The following ATG9A variants were observed in gnomAD, a reference collection of about 807,000 sequenced individuals.
ATG9A encodes autophagy-related protein 9A.
Under a neutral mutation model 87.1 loss-of-function variants are expected in ATG9A, and 21 were observed. The observed-to-expected ratio is 0.24, with a 90% CI of 0.17 to 0.35. The LOEUF (loss-of-function observed/expected upper bound fraction) is 0.35. Ranked by LOEUF, ATG9A falls within the 10% of genes least tolerant of loss-of-function variation. ATG9A has a pLI of 1.00. For synonymous variants in ATG9A, 422 were observed against 441.3 expected, an observed-to-expected ratio of 0.96 and a Z score of 0.55; for missense variants, 836 against 1,107.3, an observed-to-expected ratio of 0.76 and a Z score of 3.48.
intron 13 of ATG9A, among the ~76,000 whole-genome samples, chr2:219,221,711 A>C (rs1199575435): frequency 6.6e-6 from 1 of 152,136 alleles, no homozygotes; most frequent in Non-Finnish European, 1.5e-5. Flanking sequence ...CATGGTGCTA[A>C]ATGCTATGGA....
Position 219,224,662 on chromosome 2 carries a change from G to A in ATG9A, c.709C>T (p.Leu237Phe). The A allele has an allele frequency of 6.2e-7, 1 of 1,614,234 alleles. No homozygotes were observed. The highest frequency in any genetic ancestry group is 2.2e-5 in the East Asian group (1 of 44,882). ...LLPLRFRLPG[L>F]GEAVFFTRGL... The stretch of plus-strand genomic sequence containing the variant: ...CGGGTGAAGAAGACAGCTTCCCCGA[G>A]GCCAGGCAGGCGGAAGCGCAGAGGC... The change falls in exon 8 of 16, where the codon CTC (leucine) becomes TTC (phenylalanine). Residue 237 changes from leucine to phenylalanine, a missense_variant. This residue lies in a region of ATG9A where 512 missense variants were observed against 759.6 expected (regional missense o/e 0.67). Transcript: ENST00000361242. The surrounding 1 kb of genome is among the most constrained non-coding windows in gnomAD (Gnocchi z 7.7).
rs990039505 is a variant in ATG9A at position 219,223,212 on chromosome 2, C to T, written c.1600-319G>A. Among the ~76,000 whole-genome samples the T allele has an allele frequency of 6.6e-6, 1 of 152,008 alleles. No homozygotes were observed. The highest frequency in any genetic ancestry group is 2.4e-5 in the African/African-American group (1 of 41,380). On this transcript the variant is annotated intron_variant, in intron 10 of 15. Transcript: ENST00000361242. The surrounding 1 kb of genome is among the most constrained non-coding windows in gnomAD (Gnocchi z 4.7). ...ACGCCATTCTCCTGCCTCAGCCTCC[C>T]GAGTAGCTGGGACTACAGGCGCCCG...
rs200858282 is a variant in ATG9A, at chr2:219,221,200, C to T, written c.2248G>A (p.Ala750Thr). The change falls in exon 14 of 16, where the codon GCC (alanine) becomes ACC (threonine). Residue 750 changes from alanine (A) to threonine (T), a missense_variant. Physicochemically the swap from Ala to Thr is moderately conservative, Grantham distance 58. Around this residue, in one of 2 missense-constraint regions of ATG9A, gnomAD observed 324 missense variants for 347.6 expected, o/e 0.93. Transcript: ENST00000361242. ...ESAPDEGGEG[A>T]RAPQSIPRSA... is the part of the protein sequence containing the mutation. ...CGAGGGATAGACTGGGGGGCCCGGG[C>T]GCCCTCTCCCCCTTCATCAGGGGCG... 6.9e-6 allele frequency: 11 copies of T among 1,591,798 alleles called. No individual in the cohort carries two copies. The highest frequency in any genetic ancestry group is 3.5e-5 in the Admixed American group (2 of 56,476).
At chr2:219,220,973 T>G in intron 14 of ATG9A, 81 bp from the exon 15 acceptor site, 1 of 1,518,702 alleles carries the variant, frequency 6.6e-7, no homozygotes, top group Non-Finnish European at 9.1e-7. Context: ...GCTTGGGGGG[T>G]GAGTCTTTGG....
intron 4 of ATG9A, 77 bp downstream of exon 4, chr2:219,227,693 C>G: frequency 6.5e-7 from 1 of 1,542,176 alleles, no homozygotes; most frequent in Non-Finnish European, 8.9e-7. Context: ...TCAAACCTAC[C>G]CCCACCTCCC....
chr2:219,227,050 C>A, intron 4 of ATG9A, 117 bp from the exon 5 acceptor site: 1 of 827,246 alleles, frequency 1.2e-6, no homozygotes, highest in South Asian at 1.4e-5. Flanking sequence ...GTGACTTTAC[C>A]AAGTTACTTA....
chr2:219,223,696 T>A lies in ATG9A; in HGVS notation c.1488A>T (p.Pro496=). 2 of 1,613,436 alleles carry A rather than the reference T, an allele frequency of 1.2e-6. No individual in the cohort carries two copies. The highest frequency in any genetic ancestry group is 1.7e-6 in the Non-Finnish European group (2 of 1,179,864). Residue 496 remains proline (P), a synonymous_variant, in exon 10 of 16, where the codon CCA becomes CCT. Transcript: ENST00000361242. This position sits in a 1 kb window ranked among gnomAD's most constrained non-coding sequence, Gnocchi z 4.7. ...AGAAGTCTATAATCTCCAGGGCCCG[T>A]GGGCGCAGGCAGAAGATGAGGATGA... ...TPLILIFCLR[P]RALEIIDFFR... is the part of the protein sequence containing the mutation.
intron 4 of ATG9A, among the ~76,000 whole-genome samples, chr2:219,227,220 A>T (rs1315164979): frequency 6.6e-6 from 1 of 152,262 alleles, no homozygotes; most frequent in Non-Finnish European, 1.5e-5. Flanking sequence ...TTTACATCCC[A>T]TCAAAAAGGA....
chr2:219,220,261 C>A lies in ATG9A; in HGVS notation c.*186G>T. 1 of 717,820 alleles carries A rather than the reference C, an allele frequency of 1.4e-6. No individual in the cohort carries two copies. Among genetic ancestry groups the A allele is most frequent in the Non-Finnish European group, 2.3e-6 (1 of 443,902 alleles). 44.5% of individuals were successfully genotyped at this position (717,820 alleles called of 1,614,324 possible). ...CCCGTGTGCCCTCGGTTCCTAGGCC[C>A]CAAATTCCTCTCCTGGGGCTGTGGC... On this transcript the variant is annotated 3_prime_UTR_variant, in exon 16 of 16. Coordinates refer to ENST00000361242, the MANE Select transcript of ATG9A (RefSeq NM_001077198.3).
rs577157094 is a variant in ATG9A, at chr2:219,226,992, T to C, written c.148-59A>G. On this transcript the variant is annotated intron_variant, in intron 4 of 15. Transcript: ENST00000361242. ...AAGCAGGTAAGAGCACAGACTTTGG[T>C]GTCAACACACTCAAGCTTAAGTCCT... 1.1e-5 allele frequency: 15 copies of C among 1,402,992 alleles called. No individual in the cohort carries two copies. The Admixed American group carries it at 1.7e-4, about 16-fold the overall frequency. 86.9% of individuals were successfully genotyped at this position (1,402,992 alleles called of 1,614,324 possible).
chr2:219,227,744 C>T, intron 4 of ATG9A, 26 bp downstream of exon 4: 1 of 1,612,832 alleles, frequency 6.2e-7, no homozygotes, highest in Non-Finnish European at 8.5e-7. Context: ...GGTCCCAGAG[C>T]TCCAACTCAG....
At chr2:219,225,734 T>A (rs1487758162) in intron 5 of ATG9A, among the ~76,000 whole-genome samples, 162 bp from the exon 6 acceptor site, 3 of 152,174 alleles carry the variant, frequency 2.0e-5, no homozygotes, top group African/African-American at 7.2e-5. Flanking sequence ...CACAGGACTG[T>A]CTCAGGCCCA....
chr2:219,227,722 A>G, intron 4 of ATG9A, 48 bp downstream of exon 4: 5 of 1,600,198 alleles, frequency 3.1e-6, no homozygotes, highest in Non-Finnish European at 4.3e-6. Context: ...CCCGGCTTAG[A>G]GAGACATTAA....
rs1950834958 is a variant in ATG9A, at chr2:219,225,088, C to T, written c.499G>A (p.Ala167Thr). The T allele has an allele frequency of 6.2e-6, 10 of 1,614,024 alleles. No individual in the cohort carries two copies. Among genetic ancestry groups the T allele is most frequent in the East Asian group, 2.2e-5 (1 of 44,896 alleles). Reference protein sequence around the residue: ...YWEIHSFYLHALRIPMSALPY... With the variant: ...YWEIHSFYLHTLRIPMSALPY... ...AGTCTTACCATAGGGATGCGCAGAG[C>T]GTGCAGGTAGAAGGAGTGGATCTCC... The change falls in exon 7 of 16, where the codon GCT becomes ACT. Residue 167 changes from alanine (A) to threonine (T), a missense_variant. By Grantham distance (58) the Ala-to-Thr change is moderately conservative (BLOSUM62 0). Transcript: ENST00000361242.
chr2:219,225,397 C>A lies in ATG9A; in HGVS notation c.374+14G>T. 1 of 1,613,208 alleles carries A rather than the reference C, an allele frequency of 6.2e-7. No homozygotes were observed. The highest frequency in any genetic ancestry group is 1.1e-5 in the South Asian group (1 of 91,006). On this transcript the variant is annotated intron_variant, in intron 6 of 15. Transcript: ENST00000361242. ...ACTCAAGGCTATGGTGTCCTCTTGACTTGCAGCCCTTACCTGGCACTACAG... is the reference window on the plus strand; with the variant it reads ...ACTCAAGGCTATGGTGTCCTCTTGAATTGCAGCCCTTACCTGGCACTACAG...
chr2:219,225,703 G>T, intron 5 of ATG9A, 131 bp from the exon 6 acceptor site: 2 of 962,890 alleles, frequency 2.1e-6, no homozygotes, highest in Non-Finnish European at 3.0e-6. Context: ...CTCCCAGTGG[G>T]CCCTCTCTGC....
Position 219,219,396 on chromosome 2 carries a change from T to C in ATG9A, c.*1051A>G, listed in dbSNP as rs1574821454. ...AACAAGAAGTCTGGTCAAACTCCCTTTTTATTAAGGGTTATCAAGCTGTAC... is the reference window on the plus strand; with the variant it reads ...AACAAGAAGTCTGGTCAAACTCCCTCTTTATTAAGGGTTATCAAGCTGTAC... On this transcript the variant is annotated 3_prime_UTR_variant, in exon 16 of 16. Coordinates refer to ENST00000361242, the MANE Select transcript of ATG9A (RefSeq NM_001077198.3). The C allele has an allele frequency of 6.6e-6, 1 of 152,670 alleles. No homozygotes were observed. The allele number at this position is 152,670 out of a possible 1,614,324, so 9.5% of individuals were successfully genotyped here. A position where few individuals can be genotyped will look rare whatever the true frequency, so the allele number is the denominator to read the frequency against.
chr2:219,224,980 G>T lies in ATG9A; in HGVS notation c.516+91C>A. ...AAGAGACAGTTCCTGATTTGTCAAT[G>T]ACAGATAAGGATAACTGATGCCCAG... On this transcript the variant is annotated intron_variant, in intron 7 of 15. Transcript: ENST00000361242. The surrounding 1 kb of genome is among the most constrained non-coding windows in gnomAD (Gnocchi z 7.7). 6.3e-7 allele frequency: 1 copy of T among 1,581,956 alleles called. No individual in the cohort carries two copies. Among genetic ancestry groups the T allele is most frequent in the South Asian group, 1.1e-5 (1 of 89,180 alleles).
chr2:219,227,515 C>CA (rs34195462), intron 4 of ATG9A, among the ~76,000 whole-genome samples: 17 of 151,050 alleles, frequency 1.1e-4, no homozygotes, highest in African/African-American at 3.4e-4. Context: ...CCATCTCAAA[C>CA]AAAAAAAAAA....
Sources: allele counts gnomAD v4.1 joint callset (sites outside exome capture counted in the v4.1 genomes callset), GRCh38; gene constraint gnomAD v4.1.1; regional missense constraint gnomAD v4.1.1; non-coding constraint Gnocchi (gnomAD v3.1); transcripts MANE v1.5; gene names NCBI Gene and HGNC (gene_info 2026-07-23, HGNC 2026-07-21).